The following AGBL4 variants were observed in gnomAD, a reference collection of about 807,000 sequenced individuals.
AGBL4 encodes AGBL carboxypeptidase 4.
AGBL4 carries 58 observed loss-of-function variants against 66.4 expected under a neutral mutation model. That is an observed-to-expected ratio of 0.87 (90% CI 0.71 to 1.09). The LOEUF (loss-of-function observed/expected upper bound fraction) is 1.09, where lower values mean the gene tolerates loss of function less well. Among genes scored for constraint, AGBL4 ranks in the 50% least tolerant of loss-of-function variants. The pLI, the probability that AGBL4 is intolerant of heterozygous loss-of-function variation, is 0.00. For missense variants in AGBL4, 579 were observed against 631.0 expected (o/e 0.92, Z 0.88); for synonymous variants, 234 against 222.9 (o/e 1.05, Z -0.44).
At chr1:48,964,926 T>C (rs1658297722) in intron 5 of AGBL4, among the ~76,000 whole-genome samples, 1 of 152,142 alleles carries the variant, frequency 6.6e-6, no homozygotes. Context: ...TCAAACAGTT[T>C]GTTGATGGTA....
At chr1:48,852,015 C>CTTTTTTTTTTTT (rs138826187) in intron 6 of AGBL4, among the ~76,000 whole-genome samples, 1 of 71,934 alleles carries the variant, frequency 1.4e-5, no homozygotes, top group African/African-American at 5.0e-5. Context: ...CAGATACGTA[C>CTTTTTTTTTTTT]TTTTTTTTTT....
chr1:48,984,071 C>G (rs1165968177), intron 5 of AGBL4, among the ~76,000 whole-genome samples: 1 of 151,992 alleles, frequency 6.6e-6, no homozygotes, highest in Admixed American at 6.6e-5. Context: ...ATATCTGTGT[C>G]ATTTAGGAGA....
intron 6 of AGBL4, among the ~76,000 whole-genome samples, chr1:48,713,341 C>T (rs796617140): frequency 9.2e-5 from 14 of 152,224 alleles, no homozygotes; most frequent in African/African-American, 3.4e-4. Flanking sequence ...GAAGGGAGAG[C>T]CATTCTTAGG....
chr1:48,892,015 G>T (rs1651021382), intron 5 of AGBL4, among the ~76,000 whole-genome samples: 1 of 151,840 alleles, frequency 6.6e-6, no homozygotes, highest in African/African-American at 2.4e-5. Context: ...TAAAACAATA[G>T]AAATTTATTT....
intron 6 of AGBL4, among the ~76,000 whole-genome samples, chr1:48,830,739 C>T (rs1470592642): frequency 2.0e-5 from 3 of 152,058 alleles, no homozygotes; most frequent in Non-Finnish European, 4.4e-5. Flanking sequence ...ACTTTGGGCA[C>T]CTAGCAATTT....
At chr1:49,243,537 C>A (rs1000457175) in intron 4 of AGBL4, among the ~76,000 whole-genome samples, 5 of 151,780 alleles carry the variant, frequency 3.3e-5, no homozygotes, top group South Asian at 2.1e-4. Context: ...CAAAATTCAA[C>A]AGTAGCAAGG....
intron 5 of AGBL4, among the ~76,000 whole-genome samples, chr1:49,006,374 C>T (rs1661814554): frequency 6.6e-6 from 1 of 152,158 alleles, no homozygotes; most frequent in African/African-American, 2.4e-5. Flanking sequence ...TCGGAGGGTC[C>T]TACGCCCACG....
rs569354551 is a variant in AGBL4 at position 49,733,488 on chromosome 1, G to C, written c.158-36051C>G. Among the ~76,000 whole-genome samples, 30 of 152,234 alleles carry C rather than the reference G, an allele frequency of 2.0e-4. No individual in the cohort carries two copies. The South Asian group carries it at 6.0e-3, about 30-fold the overall frequency. The stretch of plus-strand genomic sequence containing the variant: ...GTTTATAACAAATTATCACAGGCTG[G>C]GTGGCTTGAACAACGAACATTATTT... On this transcript the variant is annotated intron_variant, in intron 2 of 13. Transcript: ENST00000371839.
At chr1:49,181,136 C>A (rs114982486) in intron 4 of AGBL4, among the ~76,000 whole-genome samples, 1,655 of 152,204 alleles carry the variant, frequency 0.011, 26 homozygotes, top group African/African-American at 0.038. Flanking sequence ...CCCAGACAAA[C>A]CAAGCTGTCC....
intron 3 of AGBL4, among the ~76,000 whole-genome samples, chr1:49,299,840 T>C (rs1644711247): frequency 6.6e-6 from 1 of 152,158 alleles, no homozygotes; most frequent in African/African-American, 2.4e-5. Flanking sequence ...TGAGTTTTTT[T>C]TTCTTTTAAA....
At chr1:48,832,939 A>C (rs1393008008) in intron 6 of AGBL4, among the ~76,000 whole-genome samples, 1 of 152,198 alleles carries the variant, frequency 6.6e-6, no homozygotes, top group Non-Finnish European at 1.5e-5. Flanking sequence ...TCTGGTTCTC[A>C]GGCCTTCAGA....
chr1:49,206,674 C>T (rs1648157906), intron 4 of AGBL4, among the ~76,000 whole-genome samples: 2 of 152,012 alleles, frequency 1.3e-5, no homozygotes. Context: ...GCATTTGGGC[C>T]ATACACTGCA....
chr1:49,953,311 A>G (rs2148328626), intron 1 of AGBL4, among the ~76,000 whole-genome samples: 1 of 152,070 alleles, frequency 6.6e-6, no homozygotes, highest in Non-Finnish European at 1.5e-5. Context: ...TAAACAGTTC[A>G]AGAGATCCCT....
chr1:49,567,518 A>T (rs941421495), intron 3 of AGBL4, among the ~76,000 whole-genome samples: 1 of 152,212 alleles, frequency 6.6e-6, no homozygotes, highest in Non-Finnish European at 1.5e-5. Flanking sequence ...ACTTACATAT[A>T]ATAAAAGTAT....
At chr1:48,623,894 T>C (rs1339099615) in intron 9 of AGBL4, among the ~76,000 whole-genome samples, 1 of 152,128 alleles carries the variant, frequency 6.6e-6, no homozygotes, top group East Asian at 1.9e-4. Context: ...TGGAGTAGTT[T>C]GGTAACTGAG....
At chr1:48,793,317 GTTTAACA>G (rs1319664574) in intron 6 of AGBL4, among the ~76,000 whole-genome samples, 1 of 152,126 alleles carries the variant, frequency 6.6e-6, no homozygotes, top group Non-Finnish European at 1.5e-5. Context: ...CCCAGCCTCA[GTTTAACA>G]TTTAGCCTGA....
intron 1 of AGBL4, among the ~76,000 whole-genome samples, chr1:50,023,401 C>A (rs1243330896): frequency 6.6e-6 from 1 of 152,142 alleles, no homozygotes; most frequent in Non-Finnish European, 1.5e-5. Flanking sequence ...CCCATGCTCC[C>A]ACAGGGCAGT....
intron 3 of AGBL4, among the ~76,000 whole-genome samples, chr1:49,468,216 T>C (rs934371612): frequency 2.6e-5 from 4 of 151,792 alleles, no homozygotes; most frequent in African/African-American, 9.7e-5. Flanking sequence ...AACCAATCCA[T>C]GAAATATAGT....
chr1:48,645,196 C>T (rs1466731162), intron 8 of AGBL4, among the ~76,000 whole-genome samples: 1 of 152,152 alleles, frequency 6.6e-6, no homozygotes, highest in Non-Finnish European at 1.5e-5. Context: ...GTCCTTTCAG[C>T]CTCCACAGAA....
Sources: gnomAD v4.1 joint callset for allele counts (sites outside exome capture counted in the v4.1 genomes callset) on GRCh38, gnomAD v4.1.1 for gene constraint, MANE v1.5 for transcripts, NCBI Gene and HGNC (gene_info 2026-07-23, HGNC 2026-07-21) for gene names.